BBS4: variants seen among roughly 807,000 people sequenced by gnomAD.
BBS4 encodes BBSome complex member BBS4.
In BBS4, 58 loss-of-function variants were observed where a neutral mutation model predicts 71.4. The ratio of observed to expected loss-of-function variants is 0.81; its 90% CI spans 0.66 to 1.01. The LOEUF (loss-of-function observed/expected upper bound fraction) is 1.01, where lower values mean the gene tolerates loss of function less well. Ranked by LOEUF, BBS4 falls within the 50% of genes least tolerant of loss-of-function variation. BBS4 has a pLI of 0.00. For synonymous variants in BBS4, 228 were observed against 216.8 expected, an observed-to-expected ratio of 1.05 and a Z score of -0.46; for missense variants, 660 against 607.9, an observed-to-expected ratio of 1.09 and a Z score of -0.90.
At chr15:72,701,484 C>G (rs944480147) in intron 2 of BBS4, among the ~76,000 whole-genome samples, 7 of 151,980 alleles carry the variant, frequency 4.6e-5, no homozygotes. Context: ...TTCAGGGTCA[C>G]CAGGAAGGAT....
intron 2 of BBS4, among the ~76,000 whole-genome samples, chr15:72,707,643 CCTTT>C (rs2065288991): frequency 1.3e-5 from 2 of 152,108 alleles, no homozygotes; most frequent in Non-Finnish European, 2.9e-5. Context: ...GTTGAAGTCT[CCTTT>C]CTGTCTTTTC....
intron 1 of BBS4, among the ~76,000 whole-genome samples, chr15:72,692,448 T>G (rs1054997680): frequency 1.3e-5 from 2 of 150,944 alleles, no homozygotes; most frequent in African/African-American, 4.9e-5. Context: ...CCCGAGTAGC[T>G]GAGACCACAG....
rs1485085151 is a variant in BBS4, at chr15:72,724,342, G to A, written c.460-186G>A. Reference sequence around the variant, plus strand: ...GTGGCTCCAGAAGCAGATATCCCATGTTGCCAGCTGTCTTTTCAACAAGGA... The same window carrying A: ...GTGGCTCCAGAAGCAGATATCCCATATTGCCAGCTGTCTTTTCAACAAGGA... On this transcript the variant is annotated intron_variant, in intron 7 of 15. Transcript: ENST00000268057. 2.6e-5 allele frequency among the ~76,000 whole-genome samples: 4 copies of A among 152,176 alleles called. No homozygotes were observed. The East Asian group carries it at 7.7e-4, about 29-fold the overall frequency.
Position 72,715,307 on chromosome 15 carries a change from A to G in BBS4, c.237A>G (p.Leu79=). The G allele has an allele frequency of 6.2e-7, 1 of 1,611,750 alleles. No individual in the cohort carries two copies. Among genetic ancestry groups the G allele is most frequent in the Non-Finnish European group, 8.5e-7 (1 of 1,177,934 alleles). Residue 79 remains leucine, a synonymous_variant, in exon 5 of 16, where the codon CTA becomes CTG. Coordinates refer to ENST00000268057, the MANE Select transcript of BBS4 (RefSeq NM_033028.5). ...AIYVQALIFR[L]EGNIQESLEL... ...TCTTGGCAGCATTGATATTTCGCCTAGAAGGAAATATCCAAGAATCCCTAG... is the reference window on the plus strand; with the variant it reads ...TCTTGGCAGCATTGATATTTCGCCTGGAAGGAAATATCCAAGAATCCCTAG...
In BBS4 at chr15:72,697,138, G is replaced by A. The variant is rs2065091110; in HGVS notation, c.76+1910G>A. On this transcript the variant is annotated intron_variant, in intron 2 of 15. Coordinates refer to ENST00000268057, the MANE Select transcript of BBS4 (RefSeq NM_033028.5). ...AGTACAGATGGGGTTTCACCACGTT[G>A]GCCAGGCTGGTCTTGAACTCCTGAC... 2.0e-5 allele frequency among the ~76,000 whole-genome samples: 3 copies of A among 152,100 alleles called. No individual in the cohort carries two copies. The South Asian group carries it at 6.2e-4, about 32-fold the overall frequency.
In BBS4 at chr15:72,692,613, G is replaced by T. The variant is rs193195606; in HGVS notation, c.25-2564G>T. On this transcript the variant is annotated intron_variant, in intron 1 of 15. Coordinates refer to ENST00000268057, the MANE Select transcript of BBS4 (RefSeq NM_033028.5). ...GAGGTGTGAGCCACCACACCTGGCT[G>T]TTTGTTTGTTTTGAGCCTGTTCCTC... Among the ~76,000 whole-genome samples the T allele has an allele frequency of 4.5e-3, 678 of 149,992 alleles. 2 individuals are homozygous for T. The highest frequency in any genetic ancestry group is 7.0e-3 in the Non-Finnish European group (474 of 67,456).
intron 2 of BBS4, among the ~76,000 whole-genome samples, chr15:72,697,176 A>C (rs969580515): frequency 6.6e-6 from 1 of 152,004 alleles, no homozygotes; most frequent in Non-Finnish European, 1.5e-5. Context: ...CAAGTGATCC[A>C]CCTGCTTTGG....
chr15:72,696,803 C>G (rs1441822043), intron 2 of BBS4, among the ~76,000 whole-genome samples: 1 of 152,102 alleles, frequency 6.6e-6, no homozygotes, highest in African/African-American at 2.4e-5. Context: ...GTTGCCCAGG[C>G]TGGTTTTGAA....
intron 1 of BBS4, among the ~76,000 whole-genome samples, chr15:72,689,473 C>T (rs2064941530): frequency 6.6e-6 from 1 of 152,130 alleles, no homozygotes; most frequent in Non-Finnish European, 1.5e-5. Context: ...TGGCTCATGC[C>T]TGTAATGCCA....
intron 2 of BBS4, among the ~76,000 whole-genome samples, chr15:72,695,754 A>G (rs1233177386): frequency 2.0e-5 from 3 of 152,180 alleles, no homozygotes; most frequent in Non-Finnish European, 4.4e-5. Flanking sequence ...ATGGGGTTTG[A>G]TTATTATGTA....
chr15:72,731,198 G>A (rs937023635), intron 10 of BBS4, 107 bp from the exon 11 acceptor site: 36 of 1,346,838 alleles, frequency 2.7e-5, no homozygotes, highest in Middle Eastern at 2.7e-4. Flanking sequence ...AAATTTTCCA[G>A]TCCCATCTAT....
Position 72,735,875 on chromosome 15 carries a change from G to A in BBS4, c.1157G>A (p.Gly386Asp), listed in dbSNP as rs143607861. Residue 386 changes from glycine (G) to aspartate (D), a missense_variant, in exon 14 of 16, where the codon GGC (glycine) becomes GAC (aspartate). Physicochemically the swap from Gly to Asp is moderately conservative, Grantham distance 94. Transcript: ENST00000268057. The part of the protein sequence containing the change: ...LNYAVLLYNQ[G>D]EKKNALAQYQ... The stretch of plus-strand genomic sequence containing the variant: ...TATGCTGTGCTGCTGTACAACCAGG[G>A]CGAGAAGAAGAACGCCCTGGCCCAA... 9 of 1,614,122 alleles carry A rather than the reference G, an allele frequency of 5.6e-6. No homozygotes were observed. In the African/African-American group the frequency reaches 1.2e-4, roughly 22 times the overall value.
Position 72,694,124 on chromosome 15 carries a change from A to T in BBS4, c.25-1053A>T, listed in dbSNP as rs372831144. ...GGTGTTGAACTCCTAACCTCAGGTG[A>T]TCCACCTGCCTTGGCCTCCCAAAGT... On this transcript the variant is annotated intron_variant, in intron 1 of 15. Transcript: ENST00000268057. Among the ~76,000 whole-genome samples the T allele has an allele frequency of 5.6e-4, 84 of 151,226 alleles. 1 individual carries two copies. In the South Asian group the frequency reaches 0.016, roughly 29 times the overall value.
intron 1 of BBS4, among the ~76,000 whole-genome samples, chr15:72,693,374 A>G (rs1034732320): frequency 2.0e-5 from 3 of 152,194 alleles, no homozygotes; most frequent in Admixed American, 6.5e-5. Flanking sequence ...TCAAATTCTG[A>G]AAGTTTTAAA....
At chr15:72,695,042 CTCTA>C (rs1487581871) in intron 1 of BBS4, 131 bp from the exon 2 acceptor site, 2 of 645,906 alleles carry the variant, frequency 3.1e-6, no homozygotes, top group African/African-American at 1.8e-5. Context: ...TTTAAAGTAA[CTCTA>C]TCACAATATG....
chr15:72,722,437 C>T (rs1185651104), intron 6 of BBS4, among the ~76,000 whole-genome samples: 1 of 152,194 alleles, frequency 6.6e-6, no homozygotes, highest in African/African-American at 2.4e-5. Flanking sequence ...GCCCTCTCAG[C>T]AGGGGCTGTG....
chr15:72,716,539 C>T (rs543462124), intron 5 of BBS4, among the ~76,000 whole-genome samples: 2 of 152,290 alleles, frequency 1.3e-5, no homozygotes, highest in African/African-American at 2.4e-5. Context: ...ACAAGACTCT[C>T]ACTAAAATTG....
intron 9 of BBS4, 125 bp downstream of exon 9, chr15:72,728,119 A>T (rs1354194334): frequency 2.8e-6 from 2 of 712,372 alleles, no homozygotes; most frequent in Admixed American, 2.1e-5. Context: ...CATGAACTAC[A>T]CTCTCTCTAT....
chr15:72,735,495 TA>T lies in BBS4; in HGVS notation c.1106+315del. The T allele has an allele frequency of 5.8e-6, 3 of 517,302 alleles. No individual in the cohort carries two copies. In the South Asian group the frequency reaches 6.2e-5, roughly 11 times the overall value. 32.0% of individuals were successfully genotyped at this position (517,302 alleles called of 1,614,324 possible). ...ATATCAGATGGGACTCTGGGCTGTT[TA>T]ATTCAAGATAAAACTTGACTCTTCC... is the stretch of plus-strand genomic sequence containing the variant. On this transcript the variant is annotated intron_variant, in intron 13 of 15. Coordinates refer to ENST00000268057, the MANE Select transcript of BBS4 (RefSeq NM_033028.5).
Sources: allele counts gnomAD v4.1 joint callset (sites outside exome capture counted in the v4.1 genomes callset), GRCh38; gene constraint gnomAD v4.1.1; transcripts MANE v1.5; gene names NCBI Gene and HGNC (gene_info 2026-07-23, HGNC 2026-07-21).